The following LIPC variants were observed in gnomAD, a reference collection of about 807,000 sequenced individuals.
LIPC encodes hepatic triacylglycerol lipase.
A neutral mutation model predicts 50.7 loss-of-function variants in LIPC; 44 were observed. That is an observed-to-expected ratio of 0.87 (90% CI 0.68 to 1.11). LIPC has a LOEUF of 1.11. Ranked by LOEUF, LIPC falls within the 50% of genes most tolerant of loss-of-function variation. The pLI, the probability that LIPC is intolerant of heterozygous loss-of-function variation, is 0.00. For synonymous variants in LIPC, 271 were observed against 256.4 expected (o/e 1.06, Z -0.54); for missense variants, 697 against 648.2 (o/e 1.08, Z -0.82).
rs746039268 is a variant in LIPC, at chr15:58,542,669, C to G, written c.574+18C>G. 16 of 1,518,414 alleles carry G rather than the reference C, an allele frequency of 1.1e-5. No homozygotes were observed. In the East Asian group the frequency reaches 3.6e-4, roughly 34 times the overall value. 94.1% of individuals were successfully genotyped at this position (1,518,414 alleles called of 1,614,324 possible). A position where few individuals can be genotyped will look rare whatever the true frequency, so the allele number is the denominator to read the frequency against. On this transcript the variant is annotated intron_variant, in intron 4 of 8. Transcript: ENST00000299022. ...AATCACAGGTAACCATGCCTAATAA[C>G]TCACACACTGATCTCCACTCCATAG...
chr15:58,532,612 C>T (rs1892992957), intron 1 of LIPC, among the ~76,000 whole-genome samples: 1 of 152,204 alleles, frequency 6.6e-6, no homozygotes, highest in Non-Finnish European at 1.5e-5. Context: ...TTCTTATGCA[C>T]TTGTGTGCCC....
At chr15:58,501,307 A>G (rs1427929027) in intron 1 of LIPC, among the ~76,000 whole-genome samples, 17 of 145,080 alleles carry the variant, frequency 1.2e-4, no homozygotes, top group Admixed American at 2.8e-4. Context: ...ACATGTCTCC[A>G]CCTACTCCCA....
intron 1 of LIPC, among the ~76,000 whole-genome samples, chr15:58,504,160 G>T (rs1234144184): frequency 6.6e-6 from 1 of 152,170 alleles, no homozygotes; most frequent in Non-Finnish European, 1.5e-5. Flanking sequence ...GAGTGAACAA[G>T]CTCCCTCCAA....
chr15:58,562,411 T>C (rs751216540), intron 7 of LIPC, among the ~76,000 whole-genome samples: 3 of 152,202 alleles, frequency 2.0e-5, no homozygotes, highest in Non-Finnish European at 4.4e-5. Context: ...TCAAGTGGTA[T>C]CTTTTGACTT....
In LIPC at chr15:58,568,832, T is replaced by A; in HGVS notation, c.*5T>A. 6.6e-7 allele frequency: 1 copy of A among 1,510,466 alleles called. No individual in the cohort carries two copies. The highest frequency in any genetic ancestry group is 2.3e-5 in the East Asian group (1 of 43,770). The allele number at this position is 1,510,466 out of a possible 1,614,324, so 93.6% of individuals were successfully genotyped here. A position where few individuals can be genotyped will look rare whatever the true frequency, so the allele number is the denominator to read the frequency against. On this transcript the variant is annotated 3_prime_UTR_variant, in exon 9 of 9. Coordinates refer to ENST00000299022, the MANE Select transcript of LIPC (RefSeq NM_000236.3). ...TCAAAGCGAAAGATCAGATGAGATT[T>A]AATGAAGACCCAGTGTAAAGAATAA...
intron 6 of LIPC, among the ~76,000 whole-genome samples, chr15:58,560,470 T>C (rs7181592): frequency 0.95 from 144,065 of 152,252 alleles, 68,395 homozygotes; most frequent in Middle Eastern, 0.99. Context: ...ATGTGTTCTC[T>C]CTTGCCTTGT....
chr15:58,446,776 G>T (rs559555611), intron 1 of LIPC, among the ~76,000 whole-genome samples: 1 of 152,270 alleles, frequency 6.6e-6, no homozygotes, highest in South Asian at 2.1e-4. Context: ...GGCCTGGCAT[G>T]GAGCAGGCAC....
At chr15:58,566,464 G>A (rs1894368759) in intron 8 of LIPC, 2 of 984,968 alleles carry the variant, frequency 2.0e-6, no homozygotes, top group Admixed American at 6.2e-5. Flanking sequence ...TACATTTCAT[G>A]AGACTAATAA....
At chr15:58,529,394 T>C (rs1892893061) in intron 1 of LIPC, among the ~76,000 whole-genome samples, 1 of 152,138 alleles carries the variant, frequency 6.6e-6, no homozygotes, top group Admixed American at 6.5e-5. Flanking sequence ...AAATCTAGTC[T>C]GAGAATGACA....
At chr15:58,451,025 A>T (rs1284137858) in intron 1 of LIPC, among the ~76,000 whole-genome samples, 1 of 152,170 alleles carries the variant, frequency 6.6e-6, no homozygotes, top group Non-Finnish European at 1.5e-5. Flanking sequence ...TTCCTTCCCC[A>T]GGCAACGTAC....
intron 6 of LIPC, among the ~76,000 whole-genome samples, chr15:58,552,028 C>T (rs1320088950): frequency 1.3e-5 from 2 of 152,228 alleles, no homozygotes; most frequent in Non-Finnish European, 2.9e-5. Flanking sequence ...TTCTCACTCT[C>T]TCACAAGGAA....
intron 6 of LIPC, among the ~76,000 whole-genome samples, chr15:58,559,559 G>GT (rs1894078854): frequency 1.3e-5 from 2 of 152,084 alleles, no homozygotes; most frequent in South Asian, 4.1e-4. Context: ...TTAACATGCC[G>GT]TATTAAACCT....
chr15:58,460,481 T>A (rs1279762799), intron 1 of LIPC, among the ~76,000 whole-genome samples: 4 of 152,246 alleles, frequency 2.6e-5, no homozygotes, highest in Non-Finnish European at 4.4e-5. Context: ...AGCCTCGTAC[T>A]GCGTGCCAGA....
intron 1 of LIPC, among the ~76,000 whole-genome samples, chr15:58,497,350 G>A (rs933039286): frequency 3.7e-4 from 56 of 152,178 alleles, no homozygotes; most frequent in African/African-American, 1.3e-3. Context: ...AGGAATGGAT[G>A]GGGAAGTGGG....
At chr15:58,531,716 A>G (rs1174923149) in intron 1 of LIPC, among the ~76,000 whole-genome samples, 1 of 152,080 alleles carries the variant, frequency 6.6e-6, no homozygotes, top group African/African-American at 2.4e-5. Flanking sequence ...TGACAAAAAA[A>G]TAGTAAAGAG....
intron 1 of LIPC, among the ~76,000 whole-genome samples, chr15:58,459,635 A>G (rs1192805164): frequency 1.3e-5 from 2 of 152,194 alleles, no homozygotes; most frequent in African/African-American, 4.8e-5. Flanking sequence ...ATTTATGGAA[A>G]AGCAAACACT....
chr15:58,528,549 C>T (rs1362817857), intron 1 of LIPC, among the ~76,000 whole-genome samples: 1 of 152,144 alleles, frequency 6.6e-6, no homozygotes, highest in Admixed American at 6.5e-5. Context: ...GGCTCTGTCA[C>T]CTGAGCTGGA....
intron 1 of LIPC, among the ~76,000 whole-genome samples, chr15:58,538,082 C>T (rs1893195094): frequency 6.6e-6 from 1 of 152,158 alleles, no homozygotes; most frequent in Non-Finnish European, 1.5e-5. Flanking sequence ...GACTCTAGTG[C>T]TTGATTGGCT....
At chr15:58,485,346 G>A (rs955874190) in intron 1 of LIPC, among the ~76,000 whole-genome samples, 3 of 152,140 alleles carry the variant, frequency 2.0e-5, no homozygotes. Context: ...GGAGAGGGAG[G>A]AGTCAATGGT....
Sources: allele counts gnomAD v4.1 joint callset (sites outside exome capture counted in the v4.1 genomes callset), GRCh38; gene constraint gnomAD v4.1.1; transcripts MANE v1.5; gene names NCBI Gene and HGNC (gene_info 2026-07-23, HGNC 2026-07-21).